The following MAP2K3 variants were observed in gnomAD, a reference collection of about 807,000 sequenced individuals.
MAP2K3 encodes the protein dual specificity mitogen-activated protein kinase kinase 3.
In MAP2K3, 30 loss-of-function variants were observed where a neutral mutation model predicts 46.4. That is an observed-to-expected ratio of 0.65 (90% CI 0.48 to 0.88). The LOEUF is 0.88. Among genes scored for constraint, MAP2K3 ranks in the 40% least tolerant of loss-of-function variants. The pLI is 0.00. For synonymous variants in MAP2K3, 189 were observed against 176.3 expected (o/e 1.07, Z -0.57); for missense variants, 380 against 464.5 (o/e 0.82, Z 1.67).
chr17:21,308,824 T>C (rs1977026370), intron 9 of MAP2K3, among the ~76,000 whole-genome samples: 1 of 152,222 alleles, frequency 6.6e-6, no homozygotes, highest in African/African-American at 2.4e-5. Context: ...CCCTTCCAGT[T>C]GTCCATCCAT....
intron 1 of MAP2K3, among the ~76,000 whole-genome samples, chr17:21,291,273 G>T (rs199535233): frequency 5.5e-4 from 5 of 9,114 alleles, no homozygotes; most frequent in African/African-American, 2.8e-3. Context: ...CAATACAATA[G>T]AATACAATAC....
At chr17:21,301,781 C>A (rs1022501338) in intron 5 of MAP2K3, among the ~76,000 whole-genome samples, 1 of 152,310 alleles carries the variant, frequency 6.6e-6, no homozygotes, top group Non-Finnish European at 1.5e-5. Flanking sequence ...GGTCAGCTGG[C>A]ATGAGGGTGT....
In MAP2K3 at chr17:21,312,244, C is replaced by G; in HGVS notation, c.877C>G (p.Arg293Gly). The change falls in exon 10 of 12, where the codon CGT becomes GGT. Residue 293 changes from arginine to glycine, a missense_variant. Coordinates refer to ENST00000342679, the MANE Select transcript of MAP2K3 (RefSeq NM_145109.3). ...GCCGTCCCCCCAGCTCCCAGCCGAC[C>G]GTTTCTCCCCCGAGTTTGTGGACTT... ...EEPSPQLPAD[R>G]FSPEFVDFTA... 1 of 1,601,506 alleles carries G rather than the reference C, an allele frequency of 6.2e-7. No homozygotes were observed.
At chr17:21,291,632 G>C (rs1293693748) in intron 1 of MAP2K3, 1 of 455,610 alleles carries the variant, frequency 2.2e-6, no homozygotes, top group East Asian at 6.9e-5. Flanking sequence ...TAAAGCCTGA[G>C]CATGGGGCCT....
chr17:21,295,560 C>T (rs1351774677), intron 1 of MAP2K3: 1 of 1,249,186 alleles, frequency 8.0e-7, no homozygotes, highest in African/African-American at 1.5e-5. Context: ...CTGCAGCAGC[C>T]TGAGGCCTGT....
In MAP2K3 at chr17:21,289,874, A is replaced by G. The variant is rs1006358695; in HGVS notation, c.49+4905A>G. On this transcript the variant is annotated intron_variant, in intron 1 of 11. Transcript: ENST00000342679. ...CCTCCCTGCCCTGCACTCCAGGGCC[A>G]CCTTCCCTGGTTTCTCTGGGGAGGC... Among the ~76,000 whole-genome samples, 6 of 152,148 alleles carry G rather than the reference A, an allele frequency of 3.9e-5. No individual in the cohort carries two copies. In the South Asian group the frequency reaches 1.2e-3, roughly 32 times the overall value.
chr17:21,288,405 C>T (rs1033643248), intron 1 of MAP2K3, among the ~76,000 whole-genome samples: 18 of 152,228 alleles, frequency 1.2e-4, no homozygotes, highest in Admixed American at 6.5e-5. Context: ...CAGGGGACAC[C>T]TCAGGTTCAG....
rs896196049 is a variant in MAP2K3, at chr17:21,304,451, C to T, written c.594C>T (p.Ile198=). Residue 198 remains isoleucine, a synonymous_variant, in exon 8 of 12, where the codon ATC becomes ATT. Coordinates refer to ENST00000342679, the MANE Select transcript of MAP2K3 (RefSeq NM_145109.3). ...HRDVKPSNVL[I]NKEGHVKMCD... ...ATGTGAAGCCCTCCAATGTCCTTAT[C>T]AACAAGGAGGGCCATGTGAAGATGT... The T allele has an allele frequency of 1.2e-6, 2 of 1,614,316 alleles. No individual in the cohort carries two copies. Among genetic ancestry groups the T allele is most frequent in the Non-Finnish European group, 1.7e-6 (2 of 1,180,058 alleles).
chr17:21,312,354 G>T (rs755226491), intron 10 of MAP2K3, 73 bp downstream of exon 10: 101 of 1,450,902 alleles, frequency 7.0e-5, no homozygotes, highest in Non-Finnish European at 8.3e-5. Context: ...CCTGGGCCCT[G>T]TTCCTTTATT....
chr17:21,302,270 T>C lies in MAP2K3; in HGVS notation c.516+11T>C. The C allele has an allele frequency of 1.1e-6, 1 of 947,828 alleles. No individual in the cohort carries two copies. Among genetic ancestry groups the C allele is most frequent in the Non-Finnish European group, 1.6e-6 (1 of 622,554 alleles). 58.7% of individuals were successfully genotyped at this position (947,828 alleles called of 1,614,324 possible). A position where few individuals can be genotyped will look rare whatever the true frequency, so the allele number is the denominator to read the frequency against. On this transcript the variant is annotated intron_variant, in intron 6 of 11. Transcript: ENST00000342679. Reference sequence around the variant, plus strand: ...GAGATTGCTGTGTCTGTGAGTGGCCTGGGTGGGCTGGCGGGGGGTCCTAGG... The same window carrying C: ...GAGATTGCTGTGTCTGTGAGTGGCCCGGGTGGGCTGGCGGGGGGTCCTAGG...
chr17:21,298,200 G>T, intron 1 of MAP2K3: 1 of 759,856 alleles, frequency 1.3e-6, no homozygotes. Context: ...CAGCCTCCAG[G>T]CCTGGGTCTG....
intron 9 of MAP2K3, among the ~76,000 whole-genome samples, chr17:21,308,155 C>CTTTTTTT (rs764822853): frequency 8.5e-5 from 7 of 82,014 alleles, no homozygotes; most frequent in East Asian, 3.6e-4. Context: ...TGTGCCTGGC[C>CTTTTTTT]TTTTTTTTTT....
At chr17:21,306,448 C>A (rs1976894549) in intron 9 of MAP2K3, among the ~76,000 whole-genome samples, 1 of 152,280 alleles carries the variant, frequency 6.6e-6, no homozygotes, top group Non-Finnish European at 1.5e-5. Flanking sequence ...CCTCCTGGTA[C>A]CTCCCTGTGC....
At chr17:21,298,340 GATGGCTC>G in intron 1 of MAP2K3, 66 bp from the exon 2 acceptor site, 1 of 1,602,120 alleles carries the variant, frequency 6.2e-7, no homozygotes, top group Admixed American at 1.7e-5. Context: ...GCCAGGGCCT[GATGGCTC>G]ATGGGAGTGC....
At chr17:21,313,777 G>T (rs886707215) in intron 11 of MAP2K3, 2 of 585,696 alleles carry the variant, frequency 3.4e-6, no homozygotes, top group Non-Finnish European at 6.1e-6. Flanking sequence ...ATGGGGCAGA[G>T]GGGCCAAGGG....
At chr17:21,290,962 G>A (rs1975888089) in intron 1 of MAP2K3, among the ~76,000 whole-genome samples, 2 of 152,112 alleles carry the variant, frequency 1.3e-5, no homozygotes, top group African/African-American at 4.8e-5. Flanking sequence ...ATAGAAGTAG[G>A]CCAGGCACGG....
At chr17:21,311,841 T>A (rs1314846010) in intron 9 of MAP2K3, 8 of 264,572 alleles carry the variant, frequency 3.0e-5, no homozygotes, top group Middle Eastern at 2.2e-3. Context: ...GGAACCTGCA[T>A]TGTTTTGTAA....
chr17:21,302,326 G>A (rs1459156596), intron 6 of MAP2K3, 67 bp downstream of exon 6: 1 of 1,508,072 alleles, frequency 6.6e-7, no homozygotes, highest in East Asian at 2.3e-5. Flanking sequence ...CCTGCCAGCA[G>A]GCATGGAGCC....
At chr17:21,299,869 C>A (rs1173772683) in intron 3 of MAP2K3, among the ~76,000 whole-genome samples, 1 of 152,268 alleles carries the variant, frequency 6.6e-6, no homozygotes, top group Non-Finnish European at 1.5e-5. Context: ...ATAATCCCAG[C>A]TATTCAGGAG....
Sources: allele counts gnomAD v4.1 joint callset (sites outside exome capture counted in the v4.1 genomes callset), GRCh38; gene constraint gnomAD v4.1.1; transcripts MANE v1.5; gene names NCBI Gene and HGNC (gene_info 2026-07-23, HGNC 2026-07-21).